Variants in RAB40C observed in about 807,000 individuals in gnomAD.
RAB40C encodes the protein RAB40C, member RAS oncogene family.
Under a neutral mutation model 28.1 loss-of-function variants are expected in RAB40C, and 8 were observed. That is an observed-to-expected ratio of 0.28 (90% CI 0.17 to 0.51). The LOEUF is 0.51. RAB40C is among the 20% of genes least tolerant of loss of function. The probability of loss-of-function intolerance (pLI) is 0.97; values close to 1 mark genes in which losing one functional copy is unlikely to be tolerated. For synonymous variants in RAB40C, 201 were observed against 171.7 expected (o/e 1.17, Z -1.34); for missense variants, 288 against 405.9 (o/e 0.71, Z 2.50).
At chr16:617,780 T>C (rs1455197180) in intron 2 of RAB40C, among the ~76,000 whole-genome samples, 3 of 152,082 alleles carry the variant, frequency 2.0e-5, no homozygotes, top group African/African-American at 7.2e-5. Flanking sequence ...GAGGCAGAAG[T>C]TGCAGTGAGC....
intron 3 of RAB40C, chr16:624,021 C>A: frequency 1.0e-6 from 1 of 985,424 alleles, no homozygotes; most frequent in Non-Finnish European, 1.2e-6. Flanking sequence ...CCAGCATGCA[C>A]GCTTTTACAT....
intron 1 of RAB40C, among the ~76,000 whole-genome samples, chr16:604,989 C>T (rs1248412887): frequency 2.6e-5 from 4 of 152,054 alleles, no homozygotes; most frequent in South Asian, 2.1e-4. Flanking sequence ...ACCCGGGAGG[C>T]GGAGGTTGGA....
At chr16:609,869 G>C (rs1353046133) in intron 1 of RAB40C, among the ~76,000 whole-genome samples, 2 of 152,174 alleles carry the variant, frequency 1.3e-5, no homozygotes, top group Non-Finnish European at 2.9e-5. Context: ...CTGTGTGCCT[G>C]GAGGGGGGAG....
Position 591,269 on chromosome 16 carries a change from C to T in RAB40C, c.142+836C>T, listed in dbSNP as rs987911572. Among the ~76,000 whole-genome samples, 20 of 150,004 alleles carry T rather than the reference C, an allele frequency of 1.3e-4. No homozygotes were observed. The East Asian group carries it at 3.3e-3, about 25-fold the overall frequency. On this transcript the variant is annotated intron_variant, in intron 1 of 5. Transcript: ENST00000248139. Reference sequence around the variant, plus strand: ...TCATCTGGGGTCTGAGGGAAGGTGTCATAGATCTGGGGGAAGGCATCATGG... The same window carrying T: ...TCATCTGGGGTCTGAGGGAAGGTGTTATAGATCTGGGGGAAGGCATCATGG...
chr16:628,348 T>C lies in RAB40C; in HGVS notation c.*726T>C, dbSNP rs1385860731. ...CTGTGATGTGACACCTTCGGGGACA[T>C]TGACCACTCAAAACTCAGATCATCT... is the stretch of plus-strand genomic sequence containing the variant. On this transcript the variant is annotated 3_prime_UTR_variant, in exon 6 of 6. Transcript: ENST00000248139. The C allele has an allele frequency of 6.6e-6, 1 of 152,312 alleles. No homozygotes were observed. Among genetic ancestry groups the C allele is most frequent in the Non-Finnish European group, 1.5e-5 (1 of 68,078 alleles). 9.4% of individuals were successfully genotyped at this position (152,312 alleles called of 1,614,324 possible). A position where few individuals can be genotyped will look rare whatever the true frequency, so the allele number is the denominator to read the frequency against.
At chr16:616,518 T>C (rs2036589071) in intron 1 of RAB40C, 1 of 151,976 alleles carries the variant, frequency 6.6e-6, no homozygotes. Flanking sequence ...TTTTGTATTT[T>C]TAGTAGAGAC....
At chr16:611,121 G>A (rs932085650) in intron 1 of RAB40C, among the ~76,000 whole-genome samples, 8 of 152,224 alleles carry the variant, frequency 5.3e-5, no homozygotes, top group Non-Finnish European at 1.2e-4. Flanking sequence ...TCCAGCGGGA[G>A]GAGCATCCCA....
At chr16:593,425 T>C (rs2036043603) in intron 1 of RAB40C, among the ~76,000 whole-genome samples, 1 of 152,160 alleles carries the variant, frequency 6.6e-6, no homozygotes, top group Non-Finnish European at 1.5e-5. Context: ...TGTTGGGAGG[T>C]GCCCTCTGTG....
intron 1 of RAB40C, among the ~76,000 whole-genome samples, chr16:597,736 G>A (rs999719126): frequency 3.3e-5 from 5 of 151,594 alleles, no homozygotes; most frequent in African/African-American, 7.3e-5. Context: ...CAATCCGCCC[G>A]CCTCAGCTTC....
At position 590,399 on chromosome 16, in the gene RAB40C, C is replaced by T; in HGVS notation, c.108C>T (p.Asp36=). 6.3e-7 allele frequency: 1 copy of T among 1,594,892 alleles called. No individual in the cohort carries two copies. The highest frequency in any genetic ancestry group is 8.5e-7 in the Non-Finnish European group (1 of 1,172,544). ...GKGEILESLQ[D]GAAESPYAYS... ...GCGAGATCCTGGAGAGCCTGCAGGA[C>T]GGCGCGGCAGAGTCCCCGTACGCCT... Residue 36 remains aspartate (D), a synonymous_variant, in exon 1 of 6, where the codon GAC becomes GAT. Transcript: ENST00000248139.
intron 1 of RAB40C, among the ~76,000 whole-genome samples, chr16:590,847 C>CG (rs956422808): frequency 8.7e-6 from 1 of 114,310 alleles, no homozygotes; most frequent in Non-Finnish European, 1.8e-5. Flanking sequence ...GTCATGGGCT[C>CG]GGGGGAAGGT....
chr16:621,552 G>T (rs538040434), intron 3 of RAB40C, among the ~76,000 whole-genome samples: 1 of 152,240 alleles, frequency 6.6e-6, no homozygotes, highest in Non-Finnish European at 1.5e-5. Context: ...GGCCCTTCAC[G>T]TGCCGCCGAA....
At chr16:602,238 G>A (rs2036267392) in intron 1 of RAB40C, among the ~76,000 whole-genome samples, 2 of 150,816 alleles carry the variant, frequency 1.3e-5, no homozygotes, top group South Asian at 4.2e-4. Flanking sequence ...CATTAGCAGT[G>A]GTCATCTCTG....
intron 1 of RAB40C, among the ~76,000 whole-genome samples, chr16:603,682 G>A (rs2036300399): frequency 6.6e-6 from 1 of 152,012 alleles, no homozygotes; most frequent in Non-Finnish European, 1.5e-5. Context: ...TATGAGTTTT[G>A]GCACATATAT....
rs1263069303 is a variant in RAB40C at position 609,468 on chromosome 16, G to A, written c.143-7740G>A. Among the ~76,000 whole-genome samples, 6 of 152,214 alleles carry A rather than the reference G, an allele frequency of 3.9e-5. 1 individual carries two copies. In the South Asian group the frequency reaches 8.3e-4, roughly 21 times the overall value. On this transcript the variant is annotated intron_variant, in intron 1 of 5. Coordinates refer to ENST00000248139, the MANE Select transcript of RAB40C (RefSeq NM_021168.5). ...CAGGATAACCGTCAGCCCAAAAGAA[G>A]CGGCCACGAGACGCCGCCGAGAGCC...
At chr16:591,797 A>G (rs921122606) in intron 1 of RAB40C, among the ~76,000 whole-genome samples, 37 of 152,148 alleles carry the variant, frequency 2.4e-4, no homozygotes, top group African/African-American at 8.4e-4. Flanking sequence ...GGGTTTCAGC[A>G]TGTCGGCCAG....
At position 628,029 on chromosome 16, in the gene RAB40C, G is replaced by A. The variant is rs996909443; in HGVS notation, c.*407G>A. ...GTGACTTCATGGCCACGCCAGCTGC[G>A]GGGACGCACTTGGGACTCCTCGAGA... On this transcript the variant is annotated 3_prime_UTR_variant, in exon 6 of 6. Coordinates refer to ENST00000248139, the MANE Select transcript of RAB40C (RefSeq NM_021168.5). 2.3e-5 allele frequency: 4 copies of A among 176,480 alleles called. No homozygotes were observed. Among genetic ancestry groups the A allele is most frequent in the Non-Finnish European group, 4.7e-5 (4 of 84,666 alleles). 10.9% of individuals were successfully genotyped at this position (176,480 alleles called of 1,614,324 possible).
intron 3 of RAB40C, chr16:624,261 C>T: frequency 1.0e-6 from 1 of 985,432 alleles, no homozygotes; most frequent in Non-Finnish European, 1.2e-6. Flanking sequence ...GGCCCACTCC[C>T]CAGTCTCTCC....
In RAB40C at chr16:590,247, C is replaced by T. The variant is rs2035960757; in HGVS notation, c.-45C>T. On this transcript the variant is annotated 5_prime_UTR_variant, in exon 1 of 6. Coordinates refer to ENST00000248139, the MANE Select transcript of RAB40C (RefSeq NM_021168.5). ...TCTCTCACGCCGCGGCCTCACCCGGCGGTGCTTCGGCAGGCGGCCGGCGCG... is the reference window on the plus strand; with the variant it reads ...TCTCTCACGCCGCGGCCTCACCCGGTGGTGCTTCGGCAGGCGGCCGGCGCG... 1.5e-6 allele frequency: 2 copies of T among 1,364,710 alleles called. No homozygotes were observed. The highest frequency in any genetic ancestry group is 1.5e-5 in the African/African-American group (1 of 65,186). 84.5% of individuals were successfully genotyped at this position (1,364,710 alleles called of 1,614,324 possible).
Sources: gnomAD v4.1 joint callset for allele counts (sites outside exome capture counted in the v4.1 genomes callset) on GRCh38, gnomAD v4.1.1 for gene constraint, MANE v1.5 for transcripts, NCBI Gene and HGNC (gene_info 2026-07-23, HGNC 2026-07-21) for gene names.